Variants in TNKS observed in about 807,000 individuals in gnomAD.
TNKS encodes tankyrase, also known as poly [ADP-ribose] polymerase tankyrase-1.
TNKS carries 72 observed loss-of-function variants against 135.8 expected under a neutral mutation model. The observed-to-expected ratio is 0.53, with a 90% confidence interval of 0.44 to 0.64. The LOEUF is 0.64. Among genes scored for constraint, TNKS ranks in the 30% least tolerant of loss-of-function variants. The pLI, the probability that TNKS is intolerant of heterozygous loss-of-function variation, is 0.00. For missense variants in TNKS, 1,769 were observed against 1,674.0 expected (o/e 1.06, Z -0.99); for synonymous variants, 849 against 649.3 (o/e 1.31, Z -4.68).
chr8:9,769,729 C>G (rs1807704066), intron 25 of TNKS, among the ~76,000 whole-genome samples: 1 of 150,448 alleles, frequency 6.6e-6, no homozygotes. Flanking sequence ...GTGCCATTCT[C>G]CTGCCTCAGC....
chr8:9,562,910 C>A (rs1474205261), intron 1 of TNKS, among the ~76,000 whole-genome samples: 2 of 150,736 alleles, frequency 1.3e-5, no homozygotes, highest in African/African-American at 4.9e-5. Context: ...GTTCGTTTCT[C>A]TAGATAGATT....
rs147617195 is a variant in TNKS at position 9,708,323 on chromosome 8, T to A, written c.1457-48T>A. On this transcript the variant is annotated intron_variant, in intron 8 of 26. Transcript: ENST00000310430. ...TATTTATAATCATGCTGAAGATTTTTATACATTTTTACATCTTTTTTTATG... is the reference window on the plus strand; with the variant it reads ...TATTTATAATCATGCTGAAGATTTTAATACATTTTTACATCTTTTTTTATG... 1.3e-5 allele frequency: 18 copies of A among 1,433,756 alleles called. No homozygotes were observed. In the African/African-American group the frequency reaches 2.3e-4, roughly 18 times the overall value. 88.8% of individuals were successfully genotyped at this position (1,433,756 alleles called of 1,614,324 possible).
At chr8:9,615,083 C>G (rs1208011413) in intron 2 of TNKS, among the ~76,000 whole-genome samples, 1 of 152,110 alleles carries the variant, frequency 6.6e-6, no homozygotes, top group Non-Finnish European at 1.5e-5. Context: ...TTCTTGGAAG[C>G]CATCCAGTAT....
intron 3 of TNKS, among the ~76,000 whole-genome samples, chr8:9,647,980 G>C (rs1383380662): frequency 6.6e-6 from 1 of 152,144 alleles, no homozygotes; most frequent in African/African-American, 2.4e-5. Flanking sequence ...TAACACAGTG[G>C]TAAGCATTTG....
intron 25 of TNKS, 124 bp downstream of exon 25, chr8:9,766,549 C>T (rs942200847): frequency 4.6e-6 from 4 of 873,684 alleles, no homozygotes; most frequent in Middle Eastern, 2.6e-4. Flanking sequence ...TGCGGTGGCA[C>T]GATCCTGGCT....
chr8:9,643,927 T>A (rs1800815343), intron 3 of TNKS, among the ~76,000 whole-genome samples: 1 of 151,970 alleles, frequency 6.6e-6, no homozygotes, highest in Admixed American at 6.6e-5. Flanking sequence ...TACAATGGAG[T>A]ATTAATCAGC....
At chr8:9,638,225 G>A (rs907851512) in intron 3 of TNKS, among the ~76,000 whole-genome samples, 10 of 152,176 alleles carry the variant, frequency 6.6e-5, no homozygotes, top group South Asian at 2.1e-4. Flanking sequence ...TCCTATCACC[G>A]CAGCCTCCTA....
chr8:9,621,712 T>G (rs1361120208), intron 3 of TNKS, among the ~76,000 whole-genome samples: 1 of 152,222 alleles, frequency 6.6e-6, no homozygotes, highest in Non-Finnish European at 1.5e-5. Context: ...ATATGATTAT[T>G]TTTCTCATGC....
At chr8:9,654,161 G>T (rs1268943349) in intron 3 of TNKS, among the ~76,000 whole-genome samples, 2 of 152,148 alleles carry the variant, frequency 1.3e-5, no homozygotes, top group Non-Finnish European at 2.9e-5. Context: ...GTGGAGCAAG[G>T]TGCTGTGATT....
intron 25 of TNKS, among the ~76,000 whole-genome samples, chr8:9,769,317 C>T (rs921981631): frequency 1.3e-5 from 2 of 152,224 alleles, no homozygotes; most frequent in Admixed American, 1.3e-4. Context: ...GTCAGTCTTT[C>T]TTACTCTGTG....
At chr8:9,772,380 A>G (rs1344878051) in intron 26 of TNKS, 4 of 455,470 alleles carry the variant, frequency 8.8e-6, no homozygotes, top group Middle Eastern at 3.2e-4. Flanking sequence ...TGGATACTCT[A>G]AAGGCACGAC....
chr8:9,619,432 T>G (rs1209681816), intron 3 of TNKS, among the ~76,000 whole-genome samples: 1 of 152,148 alleles, frequency 6.6e-6, no homozygotes, highest in Non-Finnish European at 1.5e-5. Flanking sequence ...AAAGGATAGA[T>G]AACCAAAGGA....
At chr8:9,682,235 C>T (rs753028803) in intron 5 of TNKS, among the ~76,000 whole-genome samples, 33 of 152,010 alleles carry the variant, frequency 2.2e-4, no homozygotes, top group African/African-American at 3.1e-4. Flanking sequence ...TTGTTTCGCC[C>T]GGCCTACGTC....
intron 3 of TNKS, chr8:9,670,120 T>C (rs1472424030): frequency 6.6e-6 from 1 of 152,212 alleles, no homozygotes; most frequent in African/African-American, 2.4e-5. Context: ...TTGATCTCCT[T>C]TCCACATTTC....
intron 1 of TNKS, among the ~76,000 whole-genome samples, chr8:9,568,202 A>C (rs910389708): frequency 2.0e-5 from 3 of 152,206 alleles, no homozygotes; most frequent in Non-Finnish European, 1.5e-5. Context: ...AACTTGTTTA[A>C]TTAACATTCA....
chr8:9,700,679 G>A lies in TNKS; in HGVS notation c.1108-3984G>A, dbSNP rs536685693. 6.6e-5 allele frequency among the ~76,000 whole-genome samples: 10 copies of A among 151,318 alleles called. No individual in the cohort carries two copies. The East Asian group carries it at 9.7e-4, about 15-fold the overall frequency. On this transcript the variant is annotated intron_variant, in intron 5 of 26. Transcript: ENST00000310430. ...CTGGAAACTACTCTATCTCTCACTA[G>A]CTAGATCAGTCATTTCTCAGAGGCT...
At chr8:9,749,648 T>G (rs1806415048) in intron 18 of TNKS, among the ~76,000 whole-genome samples, 2 of 152,006 alleles carry the variant, frequency 1.3e-5, no homozygotes, top group African/African-American at 4.8e-5. Context: ...CTATTTTTTT[T>G]GTTTTTACTT....
chr8:9,716,227 C>G (rs1025879556), intron 11 of TNKS, among the ~76,000 whole-genome samples: 1 of 152,110 alleles, frequency 6.6e-6, no homozygotes, highest in African/African-American at 2.4e-5. Flanking sequence ...CGAGTCTTTG[C>G]TCACTTGGGG....
chr8:9,640,315 C>T (rs1204325298), intron 3 of TNKS, among the ~76,000 whole-genome samples: 1 of 151,934 alleles, frequency 6.6e-6, no homozygotes, highest in Non-Finnish European at 1.5e-5. Flanking sequence ...AGAAAAATGG[C>T]ATTAATCCAT....
Sources: gnomAD v4.1 joint callset for allele counts (sites outside exome capture counted in the v4.1 genomes callset) on GRCh38, gnomAD v4.1.1 for gene constraint, MANE v1.5 for transcripts, NCBI Gene and HGNC (gene_info 2026-07-23, HGNC 2026-07-21) for gene names.